Variants in HEXA observed in about 807,000 individuals in gnomAD.
The protein encoded by HEXA is beta-hexosaminidase subunit alpha.
Under a neutral mutation model 73.3 loss-of-function variants are expected in HEXA, and 54 were observed. That is an observed-to-expected ratio of 0.74 (90% CI 0.59 to 0.92). The LOEUF is 0.92. Ranked by LOEUF, HEXA falls within the 40% of genes least tolerant of loss-of-function variation. The pLI is 0.00. For missense variants in HEXA, 649 were observed against 653.0 expected, an observed-to-expected ratio of 0.99 and a Z score of 0.07; for synonymous variants, 230 against 246.9, an observed-to-expected ratio of 0.93 and a Z score of 0.64.
intron 13 of HEXA, 76 bp from the exon 14 acceptor site, chr15:72,344,216 C>A: frequency 1.0e-6 from 1 of 979,202 alleles, no homozygotes; most frequent in Non-Finnish European, 1.6e-6. Context: ...CACCAGTCAA[C>A]AGTCTCTCCT....
In HEXA at chr15:72,341,372, G is replaced by A. The variant is rs150106375; in HGVS notation, c.*2705C>T. ...GTGACCTAGCTTTATTAGATTCCTC[G>A]AAGGGAAGGTACCTGGCATGCAGCC... On this transcript the variant is annotated 3_prime_UTR_variant, in exon 14 of 14. Transcript: ENST00000268097. 5.3e-5 allele frequency: 8 copies of A among 152,280 alleles called. No homozygotes were observed. Among genetic ancestry groups the A allele is most frequent in the South Asian group, 2.1e-4 (1 of 4,820 alleles). The allele number at this position is 152,280 out of a possible 1,614,324, so 9.4% of individuals were successfully genotyped here. A position where few individuals can be genotyped will look rare whatever the true frequency, so the allele number is the denominator to read the frequency against.
At position 72,375,590 on chromosome 15, in the gene HEXA, G is replaced by T. The variant is rs16956866; in HGVS notation, c.253+130C>A. ...TGGATGAAAACCTAATGCAGCTCGA[G>T]GAGGAAGTGGAGTGCCTGTGATCAG... is the stretch of plus-strand genomic sequence containing the variant. On this transcript the variant is annotated intron_variant, in intron 1 of 13. Coordinates refer to ENST00000268097, the MANE Select transcript of HEXA (RefSeq NM_000520.6). 8,887 of 946,334 alleles carry T rather than the reference G, an allele frequency of 9.4e-3. 348 individuals are homozygous for T. Among genetic ancestry groups the T allele is most frequent in the African/African-American group, 0.088 (5,369 of 60,798 alleles). The allele number at this position is 946,334 out of a possible 1,614,324, so 58.6% of individuals were successfully genotyped here. A position where few individuals can be genotyped will look rare whatever the true frequency, so the allele number is the denominator to read the frequency against.
chr15:72,367,951 G>C (rs2088939313), intron 1 of HEXA, among the ~76,000 whole-genome samples: 1 of 150,688 alleles, frequency 6.6e-6, no homozygotes, highest in Admixed American at 6.7e-5. Context: ...CACTCCCAAA[G>C]TACCTTGTGC....
chr15:72,368,448 T>A (rs949457968), intron 1 of HEXA, among the ~76,000 whole-genome samples: 1 of 152,216 alleles, frequency 6.6e-6, no homozygotes, highest in Non-Finnish European at 1.5e-5. Context: ...TTCTCAAAGA[T>A]TGGGATAACA....
intron 6 of HEXA, 144 bp downstream of exon 6, chr15:72,350,989 C>G: frequency 4.3e-6 from 3 of 704,902 alleles, no homozygotes; most frequent in Non-Finnish European, 7.8e-6. Flanking sequence ...GAACTCAAGT[C>G]TCCTGACTCC....
chr15:72,363,561 T>C (rs2088879654), intron 1 of HEXA, among the ~76,000 whole-genome samples: 1 of 152,204 alleles, frequency 6.6e-6, no homozygotes, highest in Admixed American at 6.5e-5. Context: ...CCGACTGCCC[T>C]GAGCTGGGGC....
Position 72,341,597 on chromosome 15 carries a change from G to C in HEXA, c.*2480C>G, listed in dbSNP as rs550988795. 6.6e-6 allele frequency: 1 copy of C among 152,314 alleles called. No individual in the cohort carries two copies. Among genetic ancestry groups the C allele is most frequent in the East Asian group, 1.9e-4 (1 of 5,176 alleles). The allele number at this position is 152,314 out of a possible 1,614,324, so 9.4% of individuals were successfully genotyped here. ...CAGTCTGGAAACTTCCCCACCCCCTGGTGGTGCACAGCACACAAGATGGCC... is the reference window on the plus strand; with the variant it reads ...CAGTCTGGAAACTTCCCCACCCCCTCGTGGTGCACAGCACACAAGATGGCC... On this transcript the variant is annotated 3_prime_UTR_variant, in exon 14 of 14. Transcript: ENST00000268097.
rs1008321385 is a variant in HEXA, at chr15:72,375,982, G to A, written c.-10C>T. 3.1e-6 allele frequency: 5 copies of A among 1,612,730 alleles called. No individual in the cohort carries two copies. Among genetic ancestry groups the A allele is most frequent in the South Asian group, 1.1e-5 (1 of 91,072 alleles). On this transcript the variant is annotated 5_prime_UTR_variant, in exon 1 of 14. Transcript: ENST00000268097. ...GCCTGGAGCTTGTCATGGCCCGCTG[G>A]TCTCCCCTCTCGGAGGGGGCTGGCC...
intron 1 of HEXA, chr15:72,360,595 T>C (rs980821628): frequency 6.6e-6 from 1 of 152,234 alleles, no homozygotes; most frequent in African/African-American, 2.4e-5. Context: ...ATTATTTCTT[T>C]CAACTCTCAT....
intron 1 of HEXA, among the ~76,000 whole-genome samples, chr15:72,368,088 C>T (rs1249184900): frequency 6.6e-6 from 1 of 152,132 alleles, no homozygotes; most frequent in Non-Finnish European, 1.5e-5. Context: ...ATTAAAGTTA[C>T]TTAATAAATA....
At chr15:72,347,938 A>T (rs2088639251) in intron 9 of HEXA, 110 bp downstream of exon 9, 1 of 980,302 alleles carries the variant, frequency 1.0e-6, no homozygotes, top group Non-Finnish European at 1.6e-6. Context: ...AGGACAAGGG[A>T]ACCCTGCAGG....
At chr15:72,350,441 T>G in intron 7 of HEXA, 77 bp downstream of exon 7, 1 of 1,496,796 alleles carries the variant, frequency 6.7e-7, no homozygotes, top group Non-Finnish European at 9.3e-7. Context: ...GATATGCCAC[T>G]TCCATGAGCC....
chr15:72,369,019 T>C (rs1350620603), intron 1 of HEXA, among the ~76,000 whole-genome samples: 1 of 151,998 alleles, frequency 6.6e-6, no homozygotes, highest in Non-Finnish European at 1.5e-5. Context: ...TATTTTTGAG[T>C]ATACGCTTCC....
intron 1 of HEXA, among the ~76,000 whole-genome samples, chr15:72,365,886 T>C (rs1262240038): frequency 6.6e-6 from 1 of 152,226 alleles, no homozygotes; most frequent in Non-Finnish European, 1.5e-5. Flanking sequence ...ATCTCTACCA[T>C]ATTTTGTCAC....
At chr15:72,351,278 G>C (rs371212159) in intron 5 of HEXA, 44 bp from the exon 6 acceptor site, 1 of 1,321,506 alleles carries the variant, frequency 7.6e-7, no homozygotes, top group African/African-American at 1.4e-5. Flanking sequence ...CAGTCTCTCC[G>C]GTTTCAGCCT....
At chr15:72,353,044 A>G in intron 5 of HEXA, 24 bp downstream of exon 5, 1 of 1,381,058 alleles carries the variant, frequency 7.2e-7, no homozygotes, top group Non-Finnish European at 1.0e-6. Flanking sequence ...CTTAAGTGTG[A>G]AGAAGGCCTT....
At chr15:72,347,594 A>G in intron 10 of HEXA, 92 bp downstream of exon 10, 1 of 1,022,804 alleles carries the variant, frequency 9.8e-7, no homozygotes, top group Non-Finnish European at 1.5e-6. Context: ...AATCCAAACC[A>G]GGAGGATCAG....
intron 7 of HEXA, 194 bp downstream of exon 7, chr15:72,350,324 A>G (rs1255139629): frequency 1.5e-6 from 1 of 674,766 alleles, no homozygotes; most frequent in East Asian, 2.6e-5. Flanking sequence ...AACAGTACAT[A>G]TTTTAATAGT....
intron 1 of HEXA, among the ~76,000 whole-genome samples, chr15:72,369,336 CCT>C (rs1254738721): frequency 1.3e-5 from 2 of 152,216 alleles, no homozygotes; most frequent in Admixed American, 1.3e-4. Flanking sequence ...CACACATACA[CCT>C]CTCTGACCCC....
Sources: allele counts gnomAD v4.1 joint callset (sites outside exome capture counted in the v4.1 genomes callset), GRCh38; gene constraint gnomAD v4.1.1; transcripts MANE v1.5; gene names NCBI Gene and HGNC (gene_info 2026-07-23, HGNC 2026-07-21).